Variants in ABI1 observed in about 807,000 individuals in gnomAD.
ABI1 encodes the protein Abelson interactor 1.
In ABI1, 14 loss-of-function variants were observed where a neutral mutation model predicts 54.6. The observed-to-expected ratio is 0.26, with a 90% CI of 0.17 to 0.40. The LOEUF (loss-of-function observed/expected upper bound fraction) is 0.40. ABI1 is among the 10% of genes least tolerant of loss of function. The pLI is 1.00. For missense variants in ABI1, 443 were observed against 598.3 expected (o/e 0.74, Z 2.71); for synonymous variants, 194 against 209.3 (o/e 0.93, Z 0.63).
intron 1 of ABI1, among the ~76,000 whole-genome samples, chr10:26,843,523 C>G (rs2134109147): frequency 1.1e-5 from 1 of 92,446 alleles, no homozygotes; most frequent in East Asian, 3.1e-4. Flanking sequence ...TATGTAGAAG[C>G]AAAGCTTTTC....
chr10:26,860,904 C>G lies in ABI1; in HGVS notation c.-41G>C. ...ATCGCTTCCTCTCGCGTTAAAGAGA[C>G]AGAGGCAGCAAGGTCCGCCGAGGCT... is the stretch of plus-strand genomic sequence containing the variant. On this transcript the variant is annotated 5_prime_UTR_variant, in exon 1 of 11. Coordinates refer to ENST00000376140, the MANE Select transcript of ABI1 (RefSeq NM_001012750.3). The surrounding 1 kb of genome is among the most constrained non-coding windows in gnomAD (Gnocchi z 4.1). 1 of 1,584,868 alleles carries G rather than the reference C, an allele frequency of 6.3e-7. No homozygotes were observed. The highest frequency in any genetic ancestry group is 1.1e-5 in the South Asian group (1 of 90,498).
At chr10:26,825,463 T>C (rs1588994294) in intron 1 of ABI1, among the ~76,000 whole-genome samples, 3 of 151,948 alleles carry the variant, frequency 2.0e-5, no homozygotes, top group Admixed American at 2.0e-4. Context: ...GAGTTCGAGA[T>C]CAGCCTGGTC....
chr10:26,798,014 T>A (rs1208709485), intron 2 of ABI1, among the ~76,000 whole-genome samples: 1 of 152,274 alleles, frequency 6.6e-6, no homozygotes, highest in East Asian at 1.9e-4. Context: ...GATTTAAAGA[T>A]GCTATGAAAG....
chr10:26,800,004 TAAA>T (rs56949695), intron 2 of ABI1, among the ~76,000 whole-genome samples: 32,766 of 124,716 alleles, frequency 0.26, 3,909 homozygotes, highest in Admixed American at 0.34. Flanking sequence ...CACAAAAACG[TAAA>T]AAAAAAAAAA....
chr10:26,825,472 T>C (rs1588994333), intron 1 of ABI1, among the ~76,000 whole-genome samples: 1 of 151,694 alleles, frequency 6.6e-6, no homozygotes, highest in Non-Finnish European at 1.5e-5. Flanking sequence ...ATCAGCCTGG[T>C]CAACATGGTG....
intron 2 of ABI1, among the ~76,000 whole-genome samples, chr10:26,797,915 C>G (rs1022482133): frequency 1.3e-5 from 2 of 152,042 alleles, no homozygotes; most frequent in African/African-American, 4.8e-5. Flanking sequence ...GTCATTATTA[C>G]CTTACTAATA....
intron 7 of ABI1, among the ~76,000 whole-genome samples, chr10:26,760,600 C>A (rs150021788): frequency 3.2e-4 from 48 of 152,172 alleles, no homozygotes; most frequent in African/African-American, 1.2e-3. Flanking sequence ...AAGAAATAAG[C>A]CTTTAAGGGC....
chr10:26,823,514 C>T (rs1380411212), intron 1 of ABI1, among the ~76,000 whole-genome samples: 1 of 152,140 alleles, frequency 6.6e-6, no homozygotes, highest in East Asian at 1.9e-4. Flanking sequence ...TCCTGAGTAG[C>T]TCATCCACTA....
In ABI1 at chr10:26,835,941, T is replaced by TG. The variant is rs200629518; in HGVS notation, c.118-12637dup. ...ACTTTTTTTGCATTTTTTGTAAAGT[T>TG]GGGGTCTCACCATGTTGCCCAGGCT... On this transcript the variant is annotated intron_variant, in intron 1 of 10. Coordinates refer to ENST00000376140, the MANE Select transcript of ABI1 (RefSeq NM_001012750.3). Among the ~76,000 whole-genome samples, 969 of 151,888 alleles carry TG rather than the reference T, an allele frequency of 6.4e-3. 11 individuals carry two copies. The highest frequency in any genetic ancestry group is 0.022 in the African/African-American group (922 of 41,402).
intron 9 of ABI1, among the ~76,000 whole-genome samples, chr10:26,754,437 C>A (rs1338483935): frequency 1.3e-5 from 2 of 152,168 alleles, no homozygotes; most frequent in Non-Finnish European, 1.5e-5. Flanking sequence ...ATGGCTTACA[C>A]TCAGAAATTT....
intron 2 of ABI1, among the ~76,000 whole-genome samples, chr10:26,811,553 C>T (rs1341498382): frequency 6.6e-6 from 1 of 152,130 alleles, no homozygotes; most frequent in Non-Finnish European, 1.5e-5. Context: ...AGGTATCAGT[C>T]TTAAAACAGT....
intron 10 of ABI1, among the ~76,000 whole-genome samples, chr10:26,749,189 C>CGAAT: frequency 1.3e-5 from 2 of 152,310 alleles, no homozygotes; most frequent in African/African-American, 4.8e-5. Context: ...ACATCCTACT[C>CGAAT]ATTCAAGGAC....
intron 2 of ABI1, among the ~76,000 whole-genome samples, chr10:26,791,457 T>C (rs1843455604): frequency 6.6e-6 from 1 of 152,150 alleles, no homozygotes. Context: ...TGATGCCAAG[T>C]CTTTCCAAAC....
At chr10:26,836,117 T>C (rs1238878901) in intron 1 of ABI1, among the ~76,000 whole-genome samples, 1 of 151,972 alleles carries the variant, frequency 6.6e-6, no homozygotes, top group Admixed American at 6.6e-5. Flanking sequence ...TTGTTGTTTG[T>C]TTTTTGTTTT....
chr10:26,859,991 G>A (rs1407392247), intron 1 of ABI1, among the ~76,000 whole-genome samples: 2 of 150,892 alleles, frequency 1.3e-5, no homozygotes, highest in Admixed American at 6.6e-5. Context: ...ACGATGAGAG[G>A]GGGAAAAAAA....
At chr10:26,831,362 G>A (rs763303235) in intron 1 of ABI1, among the ~76,000 whole-genome samples, 11 of 152,166 alleles carry the variant, frequency 7.2e-5, no homozygotes, top group Admixed American at 3.3e-4. Context: ...GGCCAGCATG[G>A]TGAAACCCCA....
chr10:26,814,326 T>G (rs1564532069), intron 2 of ABI1, among the ~76,000 whole-genome samples: 2 of 152,336 alleles, frequency 1.3e-5, no homozygotes, highest in Middle Eastern at 3.4e-3. Flanking sequence ...TTTATTTTTT[T>G]GGGCATCAGT....
intron 2 of ABI1, among the ~76,000 whole-genome samples, chr10:26,798,678 G>A (rs1051129320): frequency 3.9e-5 from 6 of 152,150 alleles, no homozygotes; most frequent in African/African-American, 1.2e-4. Context: ...ACACACTGAG[G>A]TGGGGTTGGG....
At chr10:26,769,368 G>T (rs1401252641) in intron 5 of ABI1, among the ~76,000 whole-genome samples, 2 of 152,024 alleles carry the variant, frequency 1.3e-5, no homozygotes, top group African/African-American at 4.8e-5. Context: ...TATTTACATA[G>T]GAAGCTGCAA....
Sources: gnomAD v4.1 joint callset for allele counts (sites outside exome capture counted in the v4.1 genomes callset) on GRCh38, gnomAD v4.1.1 for gene constraint, Gnocchi (gnomAD v3.1) non-coding constraint, MANE v1.5 for transcripts, NCBI Gene and HGNC (gene_info 2026-07-23, HGNC 2026-07-21) for gene names.